CRACDL: variants seen among roughly 807,000 people sequenced by gnomAD.
CRACDL encodes CRACD like, also known as CRACD-like protein.
CRACDL carries 26 observed loss-of-function variants against 70.6 expected under a neutral mutation model. That is an observed-to-expected ratio of 0.37 (90% confidence interval 0.27 to 0.51). The LOEUF (loss-of-function observed/expected upper bound fraction) is 0.51, where lower values mean the gene tolerates loss of function less well. Ranked by LOEUF, CRACDL falls within the 20% of genes least tolerant of loss-of-function variation. CRACDL has a pLI of 0.94. For missense variants in CRACDL, 1,283 were observed against 1,376.9 expected (o/e 0.93, Z 1.08); for synonymous variants, 618 against 615.2 (o/e 1.00, Z -0.07).
rs775373754 is a variant in CRACDL at position 98,823,517 on chromosome 2, C to A, written c.756G>T (p.Leu252=). The change falls in exon 7 of 10, where the codon CTG becomes CTT. Residue 252 remains leucine (L), a synonymous_variant. Coordinates refer to ENST00000397899, the MANE Select transcript of CRACDL (RefSeq NM_207362.3). The surrounding 1 kb of genome is among the most constrained non-coding windows in gnomAD (Gnocchi z 4.0). The stretch of plus-strand genomic sequence containing the variant: ...CCTCTGGGGTGCACGTCAGGTCGCT[C>A]AGGGATTCAGACTGAGCGCGCTGAG... The part of the protein sequence containing the change: ...RLSSRAQSES[L]SDLTCTPEEE... 1.3e-6 allele frequency: 2 copies of A among 1,589,050 alleles called. No individual in the cohort carries two copies. The highest frequency in any genetic ancestry group is 3.4e-5 in the Admixed American group (2 of 58,812).
intron 1 of CRACDL, among the ~76,000 whole-genome samples, chr2:98,935,625 T>G (rs1464159154): frequency 6.6e-6 from 1 of 152,146 alleles, no homozygotes; most frequent in Non-Finnish European, 1.5e-5. Flanking sequence ...CTTCTCTCCC[T>G]CCTCTTTCAT....
intron 7 of CRACDL, among the ~76,000 whole-genome samples, chr2:98,808,120 TAGAG>T (rs1461750209): frequency 1.3e-5 from 2 of 152,192 alleles, no homozygotes; most frequent in African/African-American, 4.8e-5. Context: ...GGCTCTGTGT[TAGAG>T]AGCGCAGACC....
intron 1 of CRACDL, among the ~76,000 whole-genome samples, chr2:98,866,475 CTTTTTTTT>C (rs1173322192): frequency 1.8e-4 from 8 of 43,266 alleles, no homozygotes; most frequent in East Asian, 5.5e-4. Flanking sequence ...ATCACTTCTT[CTTTTTTTT>C]TTTTTTTTTT....
In CRACDL at chr2:98,908,947, G is replaced by T. The variant is rs532390483; in HGVS notation, c.-11+26991C>A. Among the ~76,000 whole-genome samples the T allele has an allele frequency of 2.8e-3, 431 of 152,126 alleles. 1 individual carries two copies. Among genetic ancestry groups the T allele is most frequent in the South Asian group, 5.0e-3 (24 of 4,816 alleles). Reference sequence around the variant, plus strand: ...TTGCACAGCCAGAATAATCCTAAAGGTTCAGAGGTCTACACACGGAAAAAG... The same window carrying T: ...TTGCACAGCCAGAATAATCCTAAAGTTTCAGAGGTCTACACACGGAAAAAG... On this transcript the variant is annotated intron_variant, in intron 1 of 9. Coordinates refer to ENST00000397899, the MANE Select transcript of CRACDL (RefSeq NM_207362.3).
At chr2:98,802,751 C>T (rs1704130748) in intron 7 of CRACDL, among the ~76,000 whole-genome samples, 1 of 152,226 alleles carries the variant, frequency 6.6e-6, no homozygotes, top group African/African-American at 2.4e-5. Flanking sequence ...ACTAGGGATG[C>T]AGCTGTTAAG....
rs1188168513 is a variant in CRACDL at position 98,822,725 on chromosome 2, G to T, written c.1548C>A (p.Ala516=). The T allele has an allele frequency of 1.6e-6, 2 of 1,259,898 alleles. No individual in the cohort carries two copies. Among genetic ancestry groups the T allele is most frequent in the Non-Finnish European group, 2.0e-6 (2 of 1,006,426 alleles). The allele number at this position is 1,259,898 out of a possible 1,614,324, so 78.0% of individuals were successfully genotyped here. The change falls in exon 7 of 10, where the codon GCC becomes GCA. Residue 516 remains alanine, a synonymous_variant. Transcript: ENST00000397899. This position sits in a 1 kb window ranked among gnomAD's most constrained non-coding sequence, Gnocchi z 4.9. ...GCTCCACCGGGGGAGACTCCGCAGC[G>T]GCAAGCGGCGGGGACGCGGCGGGGC... is the stretch of plus-strand genomic sequence containing the variant. The part of the protein sequence containing the change: ...SEGPAASPPL[A]AAESPPVEPG...
intron 1 of CRACDL, among the ~76,000 whole-genome samples, chr2:98,911,969 A>G (rs1286808727): frequency 6.6e-6 from 1 of 152,162 alleles, no homozygotes; most frequent in African/African-American, 2.4e-5. Flanking sequence ...TTGTGATTAA[A>G]TATTTTACTG....
Position 98,823,140 on chromosome 2 carries a change from G to C in CRACDL, c.1133C>G (p.Ala378Gly), listed in dbSNP as rs149622421. 65 of 1,561,468 alleles carry C rather than the reference G, an allele frequency of 4.2e-5. No individual in the cohort carries two copies. The highest frequency in any genetic ancestry group is 5.4e-5 in the Non-Finnish European group (63 of 1,157,442). ...GTCCGTGGCCGGGGCACACGGGCCT[G>C]CGGGGGGCGCCTCCCCATCCTGCTT... is the stretch of plus-strand genomic sequence containing the variant. ...GGKQDGEAPP[A>G]GPCAPATDKA... The change falls in exon 7 of 10, where the codon GCA becomes GGA. Residue 378 changes from alanine (A) to glycine (G), a missense_variant. Ala to Gly is a moderately conservative substitution (Grantham distance 60). Around this residue, in one of 2 missense-constraint regions of CRACDL, gnomAD observed 921 missense variants for 881.9 expected, o/e 1.04. Coordinates refer to ENST00000397899, the MANE Select transcript of CRACDL (RefSeq NM_207362.3). The surrounding 1 kb of genome is among the most constrained non-coding windows in gnomAD (Gnocchi z 4.0).
chr2:98,808,835 G>C (rs1446807650), intron 7 of CRACDL, among the ~76,000 whole-genome samples: 1 of 152,248 alleles, frequency 6.6e-6, no homozygotes, highest in Non-Finnish European at 1.5e-5. Context: ...CTGCCGTGGA[G>C]AAAGTACTGA....
chr2:98,813,779 T>C (rs1479407465), intron 7 of CRACDL, among the ~76,000 whole-genome samples: 2 of 152,192 alleles, frequency 1.3e-5, no homozygotes, highest in African/African-American at 4.8e-5. Flanking sequence ...TGAGATTTTG[T>C]ATAATTGGTG....
At chr2:98,877,851 T>TTCACTCACTAC (rs1263741886) in intron 1 of CRACDL, among the ~76,000 whole-genome samples, 4 of 152,182 alleles carry the variant, frequency 2.6e-5, no homozygotes, top group Non-Finnish European at 5.9e-5. Context: ...GGCTTTCATA[T>TTCACTCACTAC]TCACTCACTA....
At chr2:98,825,021 G>A (rs1027665751) in intron 6 of CRACDL, among the ~76,000 whole-genome samples, 4 of 152,218 alleles carry the variant, frequency 2.6e-5, no homozygotes, top group African/African-American at 9.6e-5. Flanking sequence ...GCAGCAGAGG[G>A]GGCAGCATGG....
At chr2:98,882,531 A>G (rs1239298782) in intron 1 of CRACDL, among the ~76,000 whole-genome samples, 1 of 152,212 alleles carries the variant, frequency 6.6e-6, no homozygotes, top group African/African-American at 2.4e-5. Context: ...GCACCGCACA[A>G]TGAAGAGAGG....
intron 7 of CRACDL, among the ~76,000 whole-genome samples, chr2:98,815,541 A>G (rs868103772): frequency 6.6e-6 from 1 of 152,030 alleles, no homozygotes; most frequent in Non-Finnish European, 1.5e-5. Flanking sequence ...AGCCTGCAGG[A>G]CCCCCAACCA....
chr2:98,864,401 T>C (rs1232974608), intron 1 of CRACDL, among the ~76,000 whole-genome samples: 1 of 150,440 alleles, frequency 6.6e-6, no homozygotes, highest in Non-Finnish European at 1.5e-5. Flanking sequence ...TGCAAAGAGG[T>C]GGGGAGAGGG....
chr2:98,920,215 G>A (rs540028478), intron 1 of CRACDL, among the ~76,000 whole-genome samples: 1 of 152,240 alleles, frequency 6.6e-6, no homozygotes, highest in East Asian at 1.9e-4. Flanking sequence ...CCTGTACAAT[G>A]GCTCTTTTGT....
chr2:98,930,143 C>T (rs193017151), intron 1 of CRACDL, among the ~76,000 whole-genome samples: 3 of 152,092 alleles, frequency 2.0e-5, no homozygotes, highest in Non-Finnish European at 4.4e-5. Context: ...CACGACGGGG[C>T]GTATGTCTTG....
chr2:98,898,522 TGCTCGGG>T (rs1261025000), intron 1 of CRACDL, among the ~76,000 whole-genome samples: 3 of 152,258 alleles, frequency 2.0e-5, no homozygotes, highest in Non-Finnish European at 2.9e-5. Context: ...ACAGTGAGCA[TGCTCGGG>T]GCCAGGGCAC....
At chr2:98,912,276 G>C (rs183854993) in intron 1 of CRACDL, among the ~76,000 whole-genome samples, 1 of 152,368 alleles carries the variant, frequency 6.6e-6, no homozygotes, top group African/African-American at 2.4e-5. Flanking sequence ...AAGAACACCA[G>C]TCAGGAGGCG....
Sources: gnomAD v4.1 joint callset for allele counts (sites outside exome capture counted in the v4.1 genomes callset) on GRCh38, gnomAD v4.1.1 for gene constraint, gnomAD v4.1.1 regional missense constraint, Gnocchi (gnomAD v3.1) non-coding constraint, MANE v1.5 for transcripts, NCBI Gene and HGNC (gene_info 2026-07-23, HGNC 2026-07-21) for gene names.